Variants in APBA2 observed in about 807,000 individuals in gnomAD.
APBA2 encodes amyloid-beta A4 precursor protein-binding family A member 2.
APBA2 carries 30 observed loss-of-function variants against 75.0 expected under a neutral mutation model. The ratio of observed to expected loss-of-function variants is 0.40; its 90% CI spans 0.30 to 0.54. The LOEUF (loss-of-function observed/expected upper bound fraction) is 0.54. APBA2 is among the 20% of genes least tolerant of loss of function. The probability of loss-of-function intolerance (pLI) is 0.49; values close to 1 mark genes in which losing one functional copy is unlikely to be tolerated. For synonymous variants in APBA2, 444 were observed against 409.6 expected (o/e 1.08, Z -1.01); for missense variants, 801 against 1,016.1 (o/e 0.79, Z 2.88).
chr15:29,094,145 C>G (rs1377190578), intron 7 of APBA2, 133 bp from the exon 8 acceptor site: 1 of 912,946 alleles, frequency 1.1e-6, no homozygotes, highest in Non-Finnish European at 1.8e-6. Context: ...CAATGGCTGT[C>G]CACCCGTCCC....
chr15:29,070,053 C>A (rs937197310), intron 4 of APBA2, among the ~76,000 whole-genome samples: 10 of 152,160 alleles, frequency 6.6e-5, no homozygotes, highest in African/African-American at 2.2e-4. Context: ...AGCCTGTCTG[C>A]CCCCTAGAGC....
At chr15:28,985,942 C>T (rs1277010806) in intron 2 of APBA2, among the ~76,000 whole-genome samples, 1 of 152,192 alleles carries the variant, frequency 6.6e-6, no homozygotes, top group Non-Finnish European at 1.5e-5. Context: ...CAGGTGGCTG[C>T]CCTGGGCTTG....
intron 2 of APBA2, among the ~76,000 whole-genome samples, chr15:28,940,946 A>G (rs2035187768): frequency 1.3e-5 from 2 of 152,238 alleles, no homozygotes; most frequent in South Asian, 4.1e-4. Context: ...AGCTCACCTG[A>G]TGAGGCCAGA....
chr15:28,957,946 G>A (rs1400276879), intron 2 of APBA2, among the ~76,000 whole-genome samples: 1 of 152,252 alleles, frequency 6.6e-6, no homozygotes, highest in African/African-American at 2.4e-5. Flanking sequence ...GCCTATGACT[G>A]TGTCCTGCTG....
intron 6 of APBA2, among the ~76,000 whole-genome samples, chr15:29,080,133 T>C (rs1335889812): frequency 1.3e-5 from 2 of 152,192 alleles, no homozygotes; most frequent in African/African-American, 4.8e-5. Flanking sequence ...ATACCAGGAA[T>C]AGGTAAGACC....
chr15:29,105,403 G>A lies in APBA2; in HGVS notation c.1549G>A (p.Gly517Ser). The change falls in exon 11 of 15, where the codon GGC becomes AGC. Residue 517 changes from glycine to serine, a missense_variant. Physicochemically the swap from Gly to Ser is moderately conservative, Grantham distance 56. This residue lies in a region of APBA2 where 367 missense variants were observed against 544.5 expected (regional missense o/e 0.67). Transcript: ENST00000683413. Reference protein sequence around the residue: ...EDAQLIAQSIGQAFSVAYQEF... With the variant: ...EDAQLIAQSISQAFSVAYQEF... The stretch of plus-strand genomic sequence containing the variant: ...GGCCCAGCTCATCGCCCAGTCTATC[G>A]GCCAGGCCTTCAGCGTGGCCTACCA... 1.9e-6 allele frequency: 3 copies of A among 1,612,388 alleles called. No individual in the cohort carries two copies. Among genetic ancestry groups the A allele is most frequent in the Non-Finnish European group, 1.7e-6 (2 of 1,179,962 alleles).
rs1204031362 is a variant in APBA2, at chr15:28,916,694, AT to A, written c.-204-4942del. ...GTGTGCTCGCTGTAGCTCACTTACC[AT>A]TTTCCCTCAAAAACAGGCCTGTAAG... On this transcript the variant is annotated intron_variant, in intron 1 of 14. Transcript: ENST00000683413. Among the ~76,000 whole-genome samples, 674 of 152,082 alleles carry A rather than the reference AT, an allele frequency of 4.4e-3. 6 individuals are homozygous for A. Among genetic ancestry groups the A allele is most frequent in the African/African-American group, 0.016 (655 of 41,490 alleles).
intron 1 of APBA2, among the ~76,000 whole-genome samples, chr15:28,896,972 A>G (rs1386162742): frequency 6.6e-6 from 1 of 152,146 alleles, no homozygotes; most frequent in Non-Finnish European, 1.5e-5. Context: ...CTTAGGGTCC[A>G]TTACGGGTGT....
At chr15:28,905,850 A>G (rs183980692) in intron 1 of APBA2, among the ~76,000 whole-genome samples, 5 of 152,314 alleles carry the variant, frequency 3.3e-5, no homozygotes, top group African/African-American at 1.2e-4. Context: ...GATCCTTTAA[A>G]TATTTTTTCT....
At chr15:28,945,246 G>A (rs1018205165) in intron 2 of APBA2, among the ~76,000 whole-genome samples, 3 of 152,012 alleles carry the variant, frequency 2.0e-5, no homozygotes, top group Admixed American at 2.0e-4. Context: ...ATTAAAAAGT[G>A]AAAGTCAGAA....
intron 2 of APBA2, among the ~76,000 whole-genome samples, chr15:28,935,184 A>C (rs1175232788): frequency 6.6e-6 from 1 of 152,180 alleles, no homozygotes; most frequent in Non-Finnish European, 1.5e-5. Context: ...TCCCTAAATC[A>C]CAGGTCGCCT....
At chr15:29,034,067 C>T (rs1595784713) in intron 3 of APBA2, among the ~76,000 whole-genome samples, 1 of 151,922 alleles carries the variant, frequency 6.6e-6, no homozygotes, top group Non-Finnish European at 1.5e-5. Flanking sequence ...GCATTATCCT[C>T]CCAGCATCCA....
chr15:28,987,137 C>G (rs763001448), intron 2 of APBA2, among the ~76,000 whole-genome samples: 2 of 152,218 alleles, frequency 1.3e-5, no homozygotes, highest in Non-Finnish European at 2.9e-5. Flanking sequence ...CACAAACATT[C>G]AGTCTGTAGC....
intron 2 of APBA2, among the ~76,000 whole-genome samples, chr15:28,973,449 T>A (rs369123356): frequency 5.3e-5 from 8 of 152,298 alleles, no homozygotes; most frequent in African/African-American, 1.7e-4. Flanking sequence ...GTTAAGGAAA[T>A]AGTGATTATT....
rs532986128 is a variant in APBA2 at position 28,999,184 on chromosome 15, C to A, written c.-41+3378C>A. 3.3e-5 allele frequency among the ~76,000 whole-genome samples: 5 copies of A among 150,074 alleles called. No homozygotes were observed. The East Asian group carries it at 9.8e-4, about 29-fold the overall frequency. On this transcript the variant is annotated intron_variant, in intron 3 of 14. Transcript: ENST00000683413. The stretch of plus-strand genomic sequence containing the variant: ...AAAAAAAAAGGCCAAAATGTAAAGA[C>A]AAAAATGTTAAAATACATAGAAGAT...
chr15:29,045,068 C>CTT (rs2041238061), intron 3 of APBA2, among the ~76,000 whole-genome samples: 1 of 96,660 alleles, frequency 1.0e-5, no homozygotes, highest in African/African-American at 7.5e-5. Context: ...TCCCTCCCTC[C>CTT]TTCTCTCTCT....
chr15:29,062,555 T>C (rs1056968322), intron 4 of APBA2, among the ~76,000 whole-genome samples: 1 of 152,214 alleles, frequency 6.6e-6, no homozygotes, highest in Non-Finnish European at 1.5e-5. Context: ...TTTGATGACA[T>C]GTCACCATGG....
rs1343034267 is a variant in APBA2, at chr15:28,945,959, T to C, written c.-95+24210T>C. 3.3e-5 allele frequency among the ~76,000 whole-genome samples: 5 copies of C among 152,196 alleles called. No homozygotes were observed. In the East Asian group the frequency reaches 5.8e-4, roughly 18 times the overall value. ...GAGGGTTCCGCCTCATAAGGCTGTT[T>C]GGTGTTTGTGCCCACACTGGGTGTG... On this transcript the variant is annotated intron_variant, in intron 2 of 14. Coordinates refer to ENST00000683413, the MANE Select transcript of APBA2 (RefSeq NM_001353788.2).
At chr15:28,981,676 A>C (rs1174721346) in intron 2 of APBA2, among the ~76,000 whole-genome samples, 1 of 152,228 alleles carries the variant, frequency 6.6e-6, no homozygotes, top group East Asian at 1.9e-4. Context: ...AAAGAAAATA[A>C]ATCACTCTAC....
Sources: gnomAD v4.1 joint callset for allele counts (sites outside exome capture counted in the v4.1 genomes callset) on GRCh38, gnomAD v4.1.1 for gene constraint, gnomAD v4.1.1 regional missense constraint, MANE v1.5 for transcripts, NCBI Gene and HGNC (gene_info 2026-07-23, HGNC 2026-07-21) for gene names.